ANKHD1: variants seen among roughly 807,000 people sequenced by gnomAD.
The protein encoded by ANKHD1 is ankyrin repeat and KH domain containing 1, also known as ankyrin repeat and KH domain-containing protein 1.
ANKHD1 carries 31 observed loss-of-function variants against 230.5 expected under a neutral mutation model. The ratio of observed to expected loss-of-function variants is 0.13; its 90% CI spans 0.10 to 0.18. ANKHD1 has a LOEUF of 0.18. Ranked by LOEUF, ANKHD1 falls within the 10% of genes least tolerant of loss-of-function variation. The probability of loss-of-function intolerance (pLI) is 1.00; values close to 1 mark genes in which losing one functional copy is unlikely to be tolerated. For missense variants in ANKHD1, 2,256 were observed against 3,071.3 expected, an observed-to-expected ratio of 0.73 and a Z score of 6.27; for synonymous variants, 1,074 against 1,117.6, an observed-to-expected ratio of 0.96 and a Z score of 0.78.
chr5:140,440,425 A>G (rs1217876405), intron 4 of ANKHD1, among the ~76,000 whole-genome samples, 159 bp downstream of exon 4: 1 of 152,160 alleles, frequency 6.6e-6, no homozygotes, highest in African/African-American at 2.4e-5. Context: ...AACAGATAAC[A>G]CAGTTTATTT....
At chr5:140,468,687 A>G (rs559746508) in intron 10 of ANKHD1, among the ~76,000 whole-genome samples, 1 of 152,338 alleles carries the variant, frequency 6.6e-6, no homozygotes, top group African/African-American at 2.4e-5. Context: ...TGTACATTTA[A>G]TATATGTGAT....
Position 140,529,602 on chromosome 5 carries a change from G to A in ANKHD1, c.6656G>A (p.Ser2219Asn), listed in dbSNP as rs758027331. 6.2e-7 allele frequency: 1 copy of A among 1,614,202 alleles called. No homozygotes were observed. Residue 2219 changes from serine (S) to asparagine (N), a missense_variant, in exon 29 of 34, where the codon AGT becomes AAT. Physicochemically the swap from Ser to Asn is conservative, Grantham distance 46 (BLOSUM62 1). Around this residue, in one of 13 missense-constraint regions of ANKHD1, gnomAD observed 778 missense variants for 966.5 expected, o/e 0.80. Coordinates refer to ENST00000360839, the MANE Select transcript of ANKHD1 (RefSeq NM_017747.3). ...AATCACTTCAGCAGTCTTTTTGATA[G>A]TAGTCAGGTGCCAGCTAACCAGGGC... ...LFNHFSSLFD[S>N]SQVPANQGWG...
chr5:140,459,304 G>C lies in ANKHD1; in HGVS notation c.1621G>C (p.Glu541Gln). The C allele has an allele frequency of 6.3e-7, 1 of 1,589,926 alleles. No individual in the cohort carries two copies. The highest frequency in any genetic ancestry group is 8.6e-7 in the Non-Finnish European group (1 of 1,163,756). Residue 541 changes from glutamate (E) to glutamine (Q), a missense_variant, in exon 9 of 34, where the codon GAG (glutamate) becomes CAG (glutamine). Glu to Gln is a conservative substitution (Grantham distance 29). This residue lies in a region of ANKHD1 where 179 missense variants were observed against 261.8 expected (regional missense o/e 0.68). Coordinates refer to ENST00000360839, the MANE Select transcript of ANKHD1 (RefSeq NM_017747.3). ...IELGCSTPLM[E>Q]ASQEGHLELV... ...ACTTGGCTGCTCCACACCTCTGATG[G>C]AGGCATCTCAGGAGGGACACCTGGA...
At chr5:140,532,230 C>G (rs1050618022) in intron 29 of ANKHD1, among the ~76,000 whole-genome samples, 1 of 150,208 alleles carries the variant, frequency 6.7e-6, no homozygotes, top group African/African-American at 2.4e-5. Context: ...AAAAGAAGTA[C>G]TGATTCATGC....
chr5:140,483,878 A>G (rs1161762868), intron 11 of ANKHD1, among the ~76,000 whole-genome samples: 1 of 152,204 alleles, frequency 6.6e-6, no homozygotes, highest in African/African-American at 2.4e-5. Context: ...AGTCTGTAAA[A>G]GCTGTTTACC....
intron 1 of ANKHD1, among the ~76,000 whole-genome samples, chr5:140,418,515 C>T (rs1010651384): frequency 3.9e-5 from 6 of 152,152 alleles, no homozygotes; most frequent in Non-Finnish European, 8.8e-5. Flanking sequence ...ACTTTTATCA[C>T]TCCCAAAAGA....
At chr5:140,417,197 G>T in intron 1 of ANKHD1, among the ~76,000 whole-genome samples, 1 of 151,686 alleles carries the variant, frequency 6.6e-6, no homozygotes, top group Non-Finnish European at 1.5e-5. Flanking sequence ...AGGATATGTC[G>T]TATATTGATT....
intron 5 of ANKHD1, 127 bp from the exon 6 acceptor site, chr5:140,445,615 G>C: frequency 1.1e-6 from 1 of 913,324 alleles, no homozygotes; most frequent in East Asian, 3.2e-5. Flanking sequence ...TATACCTAGA[G>C]CATTAGCATA....
chr5:140,481,328 A>G (rs1416956757), intron 10 of ANKHD1, among the ~76,000 whole-genome samples: 2 of 152,134 alleles, frequency 1.3e-5, no homozygotes, highest in African/African-American at 2.4e-5. Flanking sequence ...TTCAAGATCT[A>G]TTCTAAAGCC....
intron 15 of ANKHD1, among the ~76,000 whole-genome samples, chr5:140,502,577 T>TTA (rs1334852473): frequency 2.0e-5 from 3 of 152,152 alleles, no homozygotes; most frequent in Non-Finnish European, 4.4e-5. Flanking sequence ...AAGTAGTTCT[T>TTA]TACTAAAGTA....
intron 29 of ANKHD1, 135 bp downstream of exon 29, chr5:140,529,931 C>A: frequency 7.4e-7 from 1 of 1,348,762 alleles, no homozygotes; most frequent in Non-Finnish European, 9.8e-7. Flanking sequence ...TATGATTTTT[C>A]TGTCCCTCAT....
At chr5:140,486,814 A>C in intron 13 of ANKHD1, 144 bp from the exon 14 acceptor site, 1 of 697,368 alleles carries the variant, frequency 1.4e-6, no homozygotes, top group Non-Finnish European at 2.1e-6. Context: ...TGCTTGGTGA[A>C]AGCTTTTTTT....
At chr5:140,460,241 A>G (rs1184493419) in intron 9 of ANKHD1, among the ~76,000 whole-genome samples, 3 of 152,130 alleles carry the variant, frequency 2.0e-5, no homozygotes, top group Non-Finnish European at 4.4e-5. Context: ...GTACTTTTAC[A>G]TAGAATATTT....
At chr5:140,415,266 C>A (rs896292982) in intron 1 of ANKHD1, among the ~76,000 whole-genome samples, 1 of 151,682 alleles carries the variant, frequency 6.6e-6, no homozygotes, top group African/African-American at 2.4e-5. Context: ...GCCTGTAATC[C>A]CAGCTACTCA....
intron 10 of ANKHD1, among the ~76,000 whole-genome samples, chr5:140,471,315 C>T (rs1776481392): frequency 6.6e-6 from 1 of 152,134 alleles, no homozygotes; most frequent in Non-Finnish European, 1.5e-5. Context: ...GAATATTTGA[C>T]TAAAATTTTA....
At chr5:140,462,639 G>A (rs1775784069) in intron 9 of ANKHD1, among the ~76,000 whole-genome samples, 1 of 148,956 alleles carries the variant, frequency 6.7e-6, no homozygotes, top group Non-Finnish European at 1.5e-5. Flanking sequence ...GCAGGAGAAT[G>A]GCGTGAACCC....
Position 140,444,647 on chromosome 5 carries a change from A to G in ANKHD1, c.914-1095A>G, listed in dbSNP as rs115248262. ...CCAAATGTAGCTGCTGCTGCTTTTT[A>G]AAAAAACAAACAAAAAATCCCAGTT... On this transcript the variant is annotated intron_variant, in intron 5 of 33. Transcript: ENST00000360839. 4.1e-3 allele frequency among the ~76,000 whole-genome samples: 631 copies of G among 152,266 alleles called. 3 individuals are homozygous for G. The highest frequency in any genetic ancestry group is 0.014 in the African/African-American group (585 of 41,544).
intron 10 of ANKHD1, 138 bp from the exon 11 acceptor site, chr5:140,482,442 T>G: frequency 1.2e-6 from 1 of 862,290 alleles, no homozygotes; most frequent in Non-Finnish European, 1.6e-6. Context: ...AATGGGGGAA[T>G]TGAGGTAGGT....
intron 10 of ANKHD1, among the ~76,000 whole-genome samples, chr5:140,480,944 A>G (rs1463410516): frequency 6.6e-6 from 1 of 152,056 alleles, no homozygotes; most frequent in African/African-American, 2.4e-5. Context: ...TATGAAGGAG[A>G]GCTTCATAGA....
Sources: allele counts gnomAD v4.1 joint callset (sites outside exome capture counted in the v4.1 genomes callset), GRCh38; gene constraint gnomAD v4.1.1; regional missense constraint gnomAD v4.1.1; transcripts MANE v1.5; gene names NCBI Gene and HGNC (gene_info 2026-07-23, HGNC 2026-07-21).